Variants in ETV6 observed in about 807,000 individuals in gnomAD.
ETV6 encodes transcription factor ETV6.
In ETV6, 16 loss-of-function variants were observed where a neutral mutation model predicts 51.1. The ratio of observed to expected loss-of-function variants is 0.31; its 90% confidence interval spans 0.21 to 0.48. The LOEUF (loss-of-function observed/expected upper bound fraction) is 0.48. ETV6 is among the 20% of genes least tolerant of loss of function. The probability of loss-of-function intolerance (pLI) is 0.99; values close to 1 mark genes in which losing one functional copy is unlikely to be tolerated. For missense variants in ETV6, 458 were observed against 594.8 expected (o/e 0.77, Z 2.39); for synonymous variants, 240 against 224.1 (o/e 1.07, Z -0.64).
At chr12:11,750,792 CTTTTTTTTTTTT>C (rs6144613) in intron 1 of ETV6, 4 of 370,002 alleles carry the variant, frequency 1.1e-5, no homozygotes, top group Middle Eastern at 5.8e-4. Flanking sequence ...TATGTGTGGG[CTTTTTTTTTTTT>C]TTTTTTTTTT....
At position 11,892,356 on chromosome 12, in the gene ETV6, T is replaced by G. The variant is rs1177409785; in HGVS notation, c.*1310T>G. Reference sequence around the variant, plus strand: ...TGCCCAGCCTGGGCAGACAGGAAATTCCTCGGATACATTATTTTTTCTTTC... The same window carrying G: ...TGCCCAGCCTGGGCAGACAGGAAATGCCTCGGATACATTATTTTTTCTTTC... On this transcript the variant is annotated 3_prime_UTR_variant, in exon 8 of 8. Transcript: ENST00000396373. The G allele has an allele frequency of 2.1e-5, 5 of 232,674 alleles. No individual in the cohort carries two copies. Among genetic ancestry groups the G allele is most frequent in the Admixed American group, 1.7e-4 (3 of 17,738 alleles). 14.4% of individuals were successfully genotyped at this position (232,674 alleles called of 1,614,324 possible). A position where few individuals can be genotyped will look rare whatever the true frequency, so the allele number is the denominator to read the frequency against.
chr12:11,666,306 C>T (rs1162772999), intron 1 of ETV6, among the ~76,000 whole-genome samples: 1 of 152,162 alleles, frequency 6.6e-6, no homozygotes, highest in African/African-American at 2.4e-5. Context: ...CATGTTCTCT[C>T]CTACCCTATC....
intron 1 of ETV6, among the ~76,000 whole-genome samples, chr12:11,730,208 C>G (rs2120972798): frequency 6.6e-6 from 1 of 152,338 alleles, no homozygotes; most frequent in East Asian, 1.9e-4. Flanking sequence ...ATTTAAGAGA[C>G]CAGCAGCAGG....
rs7301765 is a variant in ETV6 at position 11,844,114 on chromosome 12, A to G, written c.328+4810A>G. Among the ~76,000 whole-genome samples the G allele has an allele frequency of 6.6e-3, 1,010 of 152,148 alleles. 9 individuals carry two copies. Among genetic ancestry groups the G allele is most frequent in the African/African-American group, 0.023 (943 of 41,494 alleles). The stretch of plus-strand genomic sequence containing the variant: ...TGAGACTCTGAGAAAACACATTGAC[A>G]GGAGGGAACAGACAGGTTGGCATTT... On this transcript the variant is annotated intron_variant, in intron 3 of 7. Transcript: ENST00000396373.
At chr12:11,664,999 A>G (rs1864169009) in intron 1 of ETV6, among the ~76,000 whole-genome samples, 1 of 152,206 alleles carries the variant, frequency 6.6e-6, no homozygotes, top group South Asian at 2.1e-4. Context: ...TCATCTCCAC[A>G]TTATGTTCCA....
intron 4 of ETV6, among the ~76,000 whole-genome samples, chr12:11,856,479 C>G (rs1489853306): frequency 6.6e-6 from 1 of 152,154 alleles, no homozygotes; most frequent in East Asian, 1.9e-4. Context: ...CAGGTGCACA[C>G]AACAAGGAGA....
intron 2 of ETV6, among the ~76,000 whole-genome samples, chr12:11,830,796 A>G (rs1053970373): frequency 4.6e-5 from 7 of 152,204 alleles, no homozygotes; most frequent in Non-Finnish European, 8.8e-5. Flanking sequence ...ACAATTCACA[A>G]TTTCATCTCC....
chr12:11,890,816 G>C (rs907510833), intron 7 of ETV6, 125 bp from the exon 8 acceptor site: 2 of 759,190 alleles, frequency 2.6e-6, no homozygotes, highest in Admixed American at 4.5e-5. Flanking sequence ...CATTAATCTC[G>C]GGGTTCAGTA....
intron 2 of ETV6, among the ~76,000 whole-genome samples, chr12:11,827,070 T>TCA (rs55959869): frequency 0.13 from 18,378 of 144,886 alleles, 1,074 homozygotes; most frequent in South Asian, 0.16. Context: ...GAAGTCTGTC[T>TCA]CACACACACA....
In ETV6 at chr12:11,893,841, T is replaced by TATATATATATATATATACAC. The variant is rs1491290450; in HGVS notation, c.*2796_*2797insTATATATATATATATACACA. The TATATATATATATATATACAC allele has an allele frequency of 1.7e-5, 1 of 57,326 alleles. No homozygotes were observed. The highest frequency in any genetic ancestry group is 6.4e-5 in the African/African-American group (1 of 15,702). 3.6% of individuals were successfully genotyped at this position (57,326 alleles called of 1,614,324 possible). On this transcript the variant is annotated 3_prime_UTR_variant, in exon 8 of 8. Transcript: ENST00000396373. ...ATATATATATATATATATATATATA[T>TATATATATATATATATACAC]ACACACACACACACATACACAAATA...
At chr12:11,754,709 G>C (rs1280018742) in intron 2 of ETV6, among the ~76,000 whole-genome samples, 2 of 152,160 alleles carry the variant, frequency 1.3e-5, no homozygotes, top group East Asian at 3.9e-4. Flanking sequence ...ACTAACACTT[G>C]AATTTTTTCT....
intron 2 of ETV6, among the ~76,000 whole-genome samples, chr12:11,833,628 G>A (rs972693764): frequency 3.3e-5 from 5 of 152,178 alleles, no homozygotes; most frequent in Admixed American, 1.3e-4. Context: ...TGGGCAAGTC[G>A]TTTAACTTCC....
At chr12:11,783,027 G>A (rs918990246) in intron 2 of ETV6, among the ~76,000 whole-genome samples, 4 of 152,062 alleles carry the variant, frequency 2.6e-5, no homozygotes, top group African/African-American at 4.8e-5. Flanking sequence ...TGATCTAGGT[G>A]AGAAAAAAAT....
chr12:11,860,220 G>T (rs764322151), intron 4 of ETV6, among the ~76,000 whole-genome samples: 1 of 152,312 alleles, frequency 6.6e-6, no homozygotes, highest in South Asian at 2.1e-4. Context: ...CCTGTCACTG[G>T]TTGTAAACCC....
chr12:11,705,788 T>C (rs1330694581), intron 1 of ETV6, among the ~76,000 whole-genome samples: 1 of 152,230 alleles, frequency 6.6e-6, no homozygotes, highest in Non-Finnish European at 1.5e-5. Flanking sequence ...CCTAAGCCCC[T>C]GTCTGCCCAC....
At chr12:11,887,469 G>A (rs1431083899) in intron 7 of ETV6, among the ~76,000 whole-genome samples, 1 of 151,850 alleles carries the variant, frequency 6.6e-6, no homozygotes, top group Admixed American at 6.6e-5. Context: ...CCACCCAGAG[G>A]CCGGGCATGA....
chr12:11,653,065 A>G (rs1863937367), intron 1 of ETV6, among the ~76,000 whole-genome samples: 1 of 152,094 alleles, frequency 6.6e-6, no homozygotes, highest in African/African-American at 2.4e-5. Flanking sequence ...CTGTCCTACA[A>G]CCCTTGAAGG....
At chr12:11,863,864 A>G (rs917762977) in intron 4 of ETV6, among the ~76,000 whole-genome samples, 4 of 152,166 alleles carry the variant, frequency 2.6e-5, no homozygotes, top group African/African-American at 9.7e-5. Context: ...GACTGAAACA[A>G]AGCTTGCAGG....
At chr12:11,820,972 T>C (rs1425245280) in intron 2 of ETV6, among the ~76,000 whole-genome samples, 1 of 152,080 alleles carries the variant, frequency 6.6e-6, no homozygotes, top group South Asian at 2.1e-4. Context: ...CTGGGACTAA[T>C]GTAGTAGCAG....
Sources: allele counts gnomAD v4.1 joint callset (sites outside exome capture counted in the v4.1 genomes callset), GRCh38; gene constraint gnomAD v4.1.1; transcripts MANE v1.5; gene names NCBI Gene and HGNC (gene_info 2026-07-23, HGNC 2026-07-21).